The following NTM variants were observed in gnomAD, a reference collection of about 807,000 sequenced individuals.
NTM encodes the protein IgLON family member 2.
In NTM, 13 loss-of-function variants were observed where a neutral mutation model predicts 42.1. The observed-to-expected ratio is 0.31, with a 90% CI of 0.20 to 0.49. The LOEUF (loss-of-function observed/expected upper bound fraction) is 0.49, where lower values mean the gene tolerates loss of function less well. Among genes scored for constraint, NTM ranks in the 20% least tolerant of loss-of-function variants. NTM has a pLI of 0.99. For synonymous variants in NTM, 187 were observed against 179.2 expected (o/e 1.04, Z -0.35); for missense variants, 373 against 452.8 (o/e 0.82, Z 1.60).
intron 2 of NTM, among the ~76,000 whole-genome samples, chr11:132,065,918 C>A (rs1327759487): frequency 6.6e-6 from 1 of 152,186 alleles, no homozygotes; most frequent in African/African-American, 2.4e-5. Flanking sequence ...ATGCCAATAG[C>A]CATGCTATAC....
chr11:131,463,529 T>A (rs1325664873), intron 1 of NTM, among the ~76,000 whole-genome samples: 1 of 152,250 alleles, frequency 6.6e-6, no homozygotes, highest in East Asian at 1.9e-4. Flanking sequence ...TGGTGAATAT[T>A]TAGTCAATGA....
At position 132,003,718 on chromosome 11, in the gene NTM, C is replaced by T. The variant is rs1034927213; in HGVS notation, c.167+92070C>T. 2.0e-5 allele frequency among the ~76,000 whole-genome samples: 3 copies of T among 152,284 alleles called. No homozygotes were observed. Among genetic ancestry groups the T allele is most frequent in the Admixed American group, 2.0e-4 (3 of 15,290 alleles). Reference sequence around the variant, plus strand: ...ATGTCCCACATGGAGCCCACTCTTTCCCATGGTACAAAACCCTCCTTAATT... The same window carrying T: ...ATGTCCCACATGGAGCCCACTCTTTTCCATGGTACAAAACCCTCCTTAATT... On this transcript the variant is annotated intron_variant, in intron 2 of 8. Transcript: ENST00000683400. This position sits in a 1 kb window ranked among gnomAD's most constrained non-coding sequence, Gnocchi z 6.0.
At chr11:132,122,902 C>T (rs528261241) in intron 2 of NTM, among the ~76,000 whole-genome samples, 9 of 152,292 alleles carry the variant, frequency 5.9e-5, no homozygotes, top group African/African-American at 1.2e-4. Context: ...CACACTCACA[C>T]ACACAGACTC....
At chr11:132,055,674 A>G (rs565540778) in intron 2 of NTM, among the ~76,000 whole-genome samples, 103 of 85,578 alleles carry the variant, frequency 1.2e-3, no homozygotes, top group African/African-American at 3.7e-3. Flanking sequence ...CGAGAGTGAG[A>G]GAGAGAGACA....
chr11:131,507,791 T>C (rs2047683764), intron 1 of NTM, among the ~76,000 whole-genome samples: 1 of 150,008 alleles, frequency 6.7e-6, no homozygotes, highest in Non-Finnish European at 1.5e-5. Context: ...TAAGTTGGAT[T>C]CCTAGGTATT....
intron 2 of NTM, among the ~76,000 whole-genome samples, chr11:131,998,297 C>T (rs892974177): frequency 6.6e-6 from 1 of 152,178 alleles, no homozygotes; most frequent in African/African-American, 2.4e-5. Flanking sequence ...ATTGGCTGCT[C>T]AGCACGGAGG....
chr11:131,751,693 G>A (rs1406233731), intron 1 of NTM, among the ~76,000 whole-genome samples: 3 of 152,108 alleles, frequency 2.0e-5, no homozygotes, highest in Admixed American at 1.3e-4. Flanking sequence ...CCGGGAGGCA[G>A]AGGTTGCAGT....
At chr11:131,410,774 C>T (rs190309266) in intron 1 of NTM, among the ~76,000 whole-genome samples, 205 of 152,228 alleles carry the variant, frequency 1.3e-3, no homozygotes, top group Non-Finnish European at 2.4e-3. Context: ...GCTTAAAACC[C>T]ATTTATGCCT....
rs561165011 is a variant in NTM, at chr11:132,031,795, T to C, written c.168-114487T>C. On this transcript the variant is annotated intron_variant, in intron 2 of 8. Transcript: ENST00000683400. ...ATAATAGACTTAGACATGTCTTGGA[T>C]GTTGAAAATAATATTTTACTCAGTG... Among the ~76,000 whole-genome samples the C allele has an allele frequency of 2.0e-5, 3 of 152,288 alleles. No individual in the cohort carries two copies. The East Asian group carries it at 5.8e-4, about 29-fold the overall frequency.
rs571654380 is a variant in NTM at position 131,763,399 on chromosome 11, G to A, written c.83-148165G>A. 3.9e-5 allele frequency among the ~76,000 whole-genome samples: 6 copies of A among 152,288 alleles called. No individual in the cohort carries two copies. In the South Asian group the frequency reaches 1.2e-3, roughly 32 times the overall value. ...ACCCCACGTGCACCCACTAGTCATT[G>A]AATCAATGCAGGTCGTTGAAGAGTA... On this transcript the variant is annotated intron_variant, in intron 1 of 8. Transcript: ENST00000683400.
chr11:132,026,637 A>G (rs1031028208), intron 2 of NTM, among the ~76,000 whole-genome samples: 4 of 152,304 alleles, frequency 2.6e-5, no homozygotes, highest in East Asian at 1.9e-4. Flanking sequence ...CTAGGTTCCA[A>G]TGCTGACAAT....
chr11:132,138,040 C>G (rs957341132), intron 2 of NTM, among the ~76,000 whole-genome samples: 11 of 152,204 alleles, frequency 7.2e-5, no homozygotes, highest in Admixed American at 2.0e-4. Context: ...TTTGCTCATG[C>G]TCCTCCTACT....
intron 3 of NTM, among the ~76,000 whole-genome samples, chr11:132,161,370 CT>C (rs55732584): frequency 0.17 from 11,061 of 63,664 alleles, 844 homozygotes; most frequent in East Asian, 0.37. Context: ...TTTCGAGCAG[CT>C]TTTTTTTTTT....
At chr11:131,886,565 G>T (rs2050430127) in intron 1 of NTM, among the ~76,000 whole-genome samples, 1 of 152,242 alleles carries the variant, frequency 6.6e-6, no homozygotes, top group Admixed American at 6.5e-5. Flanking sequence ...TGTGTTTATA[G>T]AGTAAACTGT....
intron 1 of NTM, among the ~76,000 whole-genome samples, chr11:131,735,187 T>G (rs1020148237): frequency 1.3e-5 from 2 of 152,184 alleles, no homozygotes; most frequent in Admixed American, 6.5e-5. Context: ...AAAGCCAAAC[T>G]GAAAACTATT....
chr11:132,015,114 T>C (rs2073144006), intron 2 of NTM, among the ~76,000 whole-genome samples: 1 of 151,994 alleles, frequency 6.6e-6, no homozygotes, highest in South Asian at 2.1e-4. Context: ...CATAGGAATA[T>C]CCAGTTTTTT....
At position 131,859,698 on chromosome 11, in the gene NTM, C is replaced by T. The variant is rs142282105; in HGVS notation, c.83-51866C>T. On this transcript the variant is annotated intron_variant, in intron 1 of 8. Transcript: ENST00000683400. ...TAATAACACTCATTCTCTAGTGCAT[C>T]CCATGGTGAATGCTAGCTGAAATCA... is the stretch of plus-strand genomic sequence containing the variant. Among the ~76,000 whole-genome samples the T allele has an allele frequency of 1.2e-3, 185 of 152,226 alleles. 1 individual carries two copies. The highest frequency in any genetic ancestry group is 2.2e-3 in the Non-Finnish European group (149 of 68,012).
rs1331504074 is a variant in NTM, at chr11:131,599,349, TCTCCGG to T, written c.82+228463_82+228468del. On this transcript the variant is annotated intron_variant, in intron 1 of 8. Coordinates refer to ENST00000683400, the MANE Select transcript of NTM (RefSeq NM_001352005.2). ...TCCGGCAGATGCCCTGTCTACCCAG[TCTCCGG>T]CAGATGCCCTGTCTACCCAGTCTCC... Among the ~76,000 whole-genome samples, 6 of 152,288 alleles carry T rather than the reference TCTCCGG, an allele frequency of 3.9e-5. 2 individuals carry two copies. The East Asian group carries it at 9.7e-4, about 25-fold the overall frequency.
intron 1 of NTM, among the ~76,000 whole-genome samples, chr11:131,898,623 C>T (rs2052659111): frequency 6.6e-6 from 1 of 152,168 alleles, no homozygotes; most frequent in Admixed American, 6.5e-5. Flanking sequence ...ATGTAACACG[C>T]CACCTACCCT....
Sources: allele counts gnomAD v4.1 joint callset (sites outside exome capture counted in the v4.1 genomes callset), GRCh38; gene constraint gnomAD v4.1.1; non-coding constraint Gnocchi (gnomAD v3.1); transcripts MANE v1.5; gene names NCBI Gene and HGNC (gene_info 2026-07-23, HGNC 2026-07-21).